The following RETREG3 variants were observed in gnomAD, a reference collection of about 807,000 sequenced individuals.
The protein encoded by RETREG3 is reticulophagy regulator 3.
Under a neutral mutation model 50.2 loss-of-function variants are expected in RETREG3, and 23 were observed. The ratio of observed to expected loss-of-function variants is 0.46; its 90% CI spans 0.33 to 0.65. The LOEUF (loss-of-function observed/expected upper bound fraction) is 0.65, where lower values mean the gene tolerates loss of function less well. RETREG3 is among the 30% of genes least tolerant of loss of function. The pLI is 0.02. For missense variants in RETREG3, 546 were observed against 598.0 expected, an observed-to-expected ratio of 0.91 and a Z score of 0.91; for synonymous variants, 240 against 234.4, an observed-to-expected ratio of 1.02 and a Z score of -0.22.
intron 2 of RETREG3, among the ~76,000 whole-genome samples, chr17:42,589,159 C>T (rs1340437546): frequency 6.6e-6 from 1 of 151,694 alleles, no homozygotes; most frequent in Non-Finnish European, 1.5e-5. Flanking sequence ...ATGTATAAGT[C>T]TTTTGAGATT....
chr17:42,582,149 G>A lies in RETREG3; in HGVS notation c.1065C>T (p.Ser355=), dbSNP rs2093110688. 2 of 1,614,144 alleles carry A rather than the reference G, an allele frequency of 1.2e-6. No individual in the cohort carries two copies. The highest frequency in any genetic ancestry group is 1.7e-6 in the Non-Finnish European group (2 of 1,180,026). ...CCCCTGGCGGAGAACGGTACATCAA[G>A]CTGGGCATGCCAATGCTAGTGTCGT... ...DEDDTSIGMP[S]LMYRSPPGAE... is the part of the protein sequence containing the mutation. Residue 355 remains serine, a synonymous_variant, in exon 9 of 9, where the codon AGC becomes AGT. Transcript: ENST00000309428.
At chr17:42,594,152 G>A (rs2093138923) in intron 1 of RETREG3, among the ~76,000 whole-genome samples, 1 of 152,214 alleles carries the variant, frequency 6.6e-6, no homozygotes, top group African/African-American at 2.4e-5. Context: ...TCGCACCACT[G>A]CACCTCCAGC....
intron 7 of RETREG3, 152 bp downstream of exon 7, chr17:42,583,346 A>G: frequency 1.7e-6 from 1 of 592,440 alleles, no homozygotes; most frequent in East Asian, 3.2e-5. Context: ...AAAAATTGAG[A>G]TCTAGGAACA....
chr17:42,582,830 G>T, intron 7 of RETREG3, 24 bp from the exon 8 acceptor site: 6 of 1,613,852 alleles, frequency 3.7e-6, no homozygotes, highest in Non-Finnish European at 5.1e-6. Flanking sequence ...CAACAAATGT[G>T]AGATAATGCC....
At chr17:42,603,971 C>T (rs533749446) in intron 1 of RETREG3, among the ~76,000 whole-genome samples, 160 of 148,076 alleles carry the variant, frequency 1.1e-3, no homozygotes, top group African/African-American at 3.8e-3. Flanking sequence ...AGCGAGACTC[C>T]GTCTCAAAAA....
intron 1 of RETREG3, among the ~76,000 whole-genome samples, chr17:42,601,908 T>A (rs2093159423): frequency 6.6e-6 from 1 of 152,024 alleles, no homozygotes; most frequent in South Asian, 2.1e-4. Context: ...TGCTGAGAAT[T>A]ATAGGCATGA....
intron 1 of RETREG3, among the ~76,000 whole-genome samples, chr17:42,592,518 C>G (rs1302766033): frequency 1.3e-5 from 2 of 152,164 alleles, no homozygotes; most frequent in African/African-American, 4.8e-5. Flanking sequence ...AAATTAGACC[C>G]TAGTGTAGGG....
chr17:42,592,945 C>G (rs892050291), intron 1 of RETREG3, among the ~76,000 whole-genome samples: 4 of 152,104 alleles, frequency 2.6e-5, no homozygotes. Context: ...CAAGATCATG[C>G]CACTGCACTC....
intron 5 of RETREG3, 44 bp from the exon 6 acceptor site, chr17:42,585,306 T>C: frequency 6.2e-7 from 1 of 1,603,868 alleles, no homozygotes; most frequent in Non-Finnish European, 8.5e-7. Context: ...GAGAAGGGGC[T>C]GCAAAAAACA....
chr17:42,597,619 ATTTTTTTTTTTT>A (rs869223820), intron 1 of RETREG3, among the ~76,000 whole-genome samples: 5 of 14,366 alleles, frequency 3.5e-4, no homozygotes, highest in Admixed American at 2.2e-3. Context: ...ATATATATAT[ATTTTTTTTTTTT>A]TTTTTTTTTT....
intron 1 of RETREG3, among the ~76,000 whole-genome samples, chr17:42,604,213 A>T (rs1452335538): frequency 6.6e-6 from 1 of 152,130 alleles, no homozygotes; most frequent in Non-Finnish European, 1.5e-5. Flanking sequence ...TTTGTGAAAT[A>T]ACAAATTCTA....
At chr17:42,594,950 ATTTTTTTTTTTACT>A (rs1567924206) in intron 1 of RETREG3, among the ~76,000 whole-genome samples, 1 of 135,356 alleles carries the variant, frequency 7.4e-6, no homozygotes, top group Non-Finnish European at 1.6e-5. Flanking sequence ...TTGTTTGTAG[ATTTTTTTTTTTACT>A]TTTTTTTTTT....
intron 1 of RETREG3, among the ~76,000 whole-genome samples, chr17:42,593,248 T>C (rs1364887631): frequency 6.6e-6 from 1 of 152,142 alleles, no homozygotes; most frequent in African/African-American, 2.4e-5. Context: ...ATGAGATTTA[T>C]CCCAAGACTG....
chr17:42,582,606 C>G, intron 8 of RETREG3, 68 bp downstream of exon 8: 1 of 1,598,670 alleles, frequency 6.3e-7, no homozygotes, highest in Non-Finnish European at 8.5e-7. Flanking sequence ...CCAGTATCCC[C>G]TCTGTTCAGG....
At chr17:42,588,713 A>G (rs981114441) in intron 2 of RETREG3, among the ~76,000 whole-genome samples, 3 of 151,930 alleles carry the variant, frequency 2.0e-5, no homozygotes, top group East Asian at 3.9e-4. Flanking sequence ...GCTGGAATGC[A>G]GTGGCACGAT....
intron 1 of RETREG3, among the ~76,000 whole-genome samples, chr17:42,602,625 C>T (rs1162439680): frequency 6.6e-6 from 1 of 152,064 alleles, no homozygotes; most frequent in East Asian, 1.9e-4. Flanking sequence ...TCCATATTTT[C>T]CCCAGAATTA....
Position 42,581,651 on chromosome 17 carries a change from T to C in RETREG3, c.*162A>G, listed in dbSNP as rs2093108859. On this transcript the variant is annotated 3_prime_UTR_variant, in exon 9 of 9. Transcript: ENST00000309428. The stretch of plus-strand genomic sequence containing the variant: ...GGGCATCCAGCTGGTGGGAGGGGAG[T>C]GAGTGTCCTCTCTAAGGAGGCCTCT... The C allele has an allele frequency of 3.4e-6, 2 of 594,014 alleles. No homozygotes were observed. Among genetic ancestry groups the C allele is most frequent in the African/African-American group, 1.9e-5 (1 of 53,566 alleles). 36.8% of individuals were successfully genotyped at this position (594,014 alleles called of 1,614,324 possible). A position where few individuals can be genotyped will look rare whatever the true frequency, so the allele number is the denominator to read the frequency against.
At position 42,583,330 on chromosome 17, in the gene RETREG3, A is replaced by G. The variant is rs145829894; in HGVS notation, c.810+168T>C. ...AGGTTGATTACAGGAATGATATGATAAAGAAAAAAATTGAGATCTAGGAAC... is the reference window on the plus strand; with the variant it reads ...AGGTTGATTACAGGAATGATATGATGAAGAAAAAAATTGAGATCTAGGAAC... On this transcript the variant is annotated intron_variant, in intron 7 of 8. Coordinates refer to ENST00000309428, the MANE Select transcript of RETREG3 (RefSeq NM_178126.4). Among the ~76,000 whole-genome samples the G allele has an allele frequency of 1.1e-4, 17 of 152,178 alleles. No homozygotes were observed. The East Asian group carries it at 2.7e-3, about 24-fold the overall frequency.
At chr17:42,603,742 C>A (rs1211417539) in intron 1 of RETREG3, among the ~76,000 whole-genome samples, 1 of 152,162 alleles carries the variant, frequency 6.6e-6, no homozygotes, top group Non-Finnish European at 1.5e-5. Context: ...CTTTGGGAGA[C>A]CGAGGCGGGC....
Sources: gnomAD v4.1 joint callset for allele counts (sites outside exome capture counted in the v4.1 genomes callset) on GRCh38, gnomAD v4.1.1 for gene constraint, MANE v1.5 for transcripts, NCBI Gene and HGNC (gene_info 2026-07-23, HGNC 2026-07-21) for gene names.